Variants in KDM4C observed in about 807,000 individuals in gnomAD.
KDM4C encodes the protein lysine-specific demethylase 4C.
Under a neutral mutation model 129.3 loss-of-function variants are expected in KDM4C, and 81 were observed. The ratio of observed to expected loss-of-function variants is 0.63; its 90% CI spans 0.52 to 0.75. The LOEUF (loss-of-function observed/expected upper bound fraction) is 0.75. Ranked by LOEUF, KDM4C falls within the 30% of genes least tolerant of loss-of-function variation. The pLI, the probability that KDM4C is intolerant of heterozygous loss-of-function variation, is 0.00. For missense variants in KDM4C, 1,457 were observed against 1,304.0 expected, an observed-to-expected ratio of 1.12 and a Z score of -1.81; for synonymous variants, 573 against 456.1, an observed-to-expected ratio of 1.26 and a Z score of -3.26.
chr9:6,877,607 A>T (rs527313288), intron 5 of KDM4C, among the ~76,000 whole-genome samples: 2 of 152,322 alleles, frequency 1.3e-5, no homozygotes, highest in African/African-American at 4.8e-5. Context: ...ATAATTGATT[A>T]AAAGAATAGT....
chr9:7,021,852 A>G (rs1315348754), intron 15 of KDM4C, among the ~76,000 whole-genome samples: 1 of 152,134 alleles, frequency 6.6e-6, no homozygotes, highest in African/African-American at 2.4e-5. Context: ...GATAGGGGTC[A>G]AGTTTCATTC....
rs747814292 is a variant in KDM4C at position 6,961,698 on chromosome 9, G to T, written c.922-19227G>T. Among the ~76,000 whole-genome samples, 7 of 152,166 alleles carry T rather than the reference G, an allele frequency of 4.6e-5. No individual in the cohort carries two copies. In the East Asian group the frequency reaches 1.3e-3, roughly 29 times the overall value. On this transcript the variant is annotated intron_variant, in intron 8 of 21. Coordinates refer to ENST00000381309, the MANE Select transcript of KDM4C (RefSeq NM_015061.6). The stretch of plus-strand genomic sequence containing the variant: ...AGGTGAGTGTAATATACAAGGTAAG[G>T]GTCTGTGGCCCTGTCAAACAAAAAC...
intron 8 of KDM4C, among the ~76,000 whole-genome samples, chr9:6,897,449 G>A (rs1816649239): frequency 6.6e-6 from 1 of 152,154 alleles, no homozygotes; most frequent in Admixed American, 6.5e-5. Context: ...GCCAAATCCT[G>A]TAAGATGCTC....
At chr9:6,965,424 T>A (rs1462131770) in intron 8 of KDM4C, among the ~76,000 whole-genome samples, 1 of 152,118 alleles carries the variant, frequency 6.6e-6, no homozygotes, top group Admixed American at 6.6e-5. Context: ...GACATTTATC[T>A]CCAGAACACA....
chr9:6,810,650 T>C (rs928153205), intron 3 of KDM4C, among the ~76,000 whole-genome samples: 3 of 152,230 alleles, frequency 2.0e-5, no homozygotes, highest in African/African-American at 7.2e-5. Flanking sequence ...GGTTGGAGAA[T>C]TGCTTGAGCC....
At chr9:6,919,222 C>CTGT (rs1563812029) in intron 8 of KDM4C, among the ~76,000 whole-genome samples, 4 of 107,484 alleles carry the variant, frequency 3.7e-5, no homozygotes, top group Non-Finnish European at 8.1e-5. Context: ...TTTTCTTTTT[C>CTGT]CTTCTTTCTT....
rs147900309 is a variant in KDM4C, at chr9:6,901,983, C to T, written c.921+8751C>T. ...AGAATATCTGAGGATAAGGGACAAACATTTGCATTTCTGAAATCTTCCTGT... is the reference window on the plus strand; with the variant it reads ...AGAATATCTGAGGATAAGGGACAAATATTTGCATTTCTGAAATCTTCCTGT... On this transcript the variant is annotated intron_variant, in intron 8 of 21. Coordinates refer to ENST00000381309, the MANE Select transcript of KDM4C (RefSeq NM_015061.6). 8.5e-5 allele frequency among the ~76,000 whole-genome samples: 13 copies of T among 152,284 alleles called. No individual in the cohort carries two copies. The East Asian group carries it at 1.9e-3, about 23-fold the overall frequency.
Position 7,044,662 on chromosome 9 carries a change from G to T in KDM4C, c.2260-2200G>T, listed in dbSNP as rs996260469. On this transcript the variant is annotated intron_variant, in intron 15 of 21. Coordinates refer to ENST00000381309, the MANE Select transcript of KDM4C (RefSeq NM_015061.6). ...GAGTACAGGCTTGAGAAGAAGATATGAGTTCAGTTTTGCATGTGTGTTTGA... is the reference window on the plus strand; with the variant it reads ...GAGTACAGGCTTGAGAAGAAGATATTAGTTCAGTTTTGCATGTGTGTTTGA... Among the ~76,000 whole-genome samples, 21 of 151,922 alleles carry T rather than the reference G, an allele frequency of 1.4e-4. 1 individual carries two copies. The highest frequency in any genetic ancestry group is 2.9e-5 in the Non-Finnish European group (2 of 67,924).
chr9:7,016,230 C>T (rs1174298763), intron 15 of KDM4C, among the ~76,000 whole-genome samples: 1 of 151,946 alleles, frequency 6.6e-6, no homozygotes, highest in African/African-American at 2.4e-5. Flanking sequence ...CAGGTTCACA[C>T]CATTCTCCTG....
intron 18 of KDM4C, among the ~76,000 whole-genome samples, chr9:7,124,200 C>G (rs561453680): frequency 5.9e-5 from 9 of 152,314 alleles, no homozygotes; most frequent in Admixed American, 1.3e-4. Flanking sequence ...TGCAAATCCC[C>G]ACACATTGTC....
chr9:7,082,155 C>T (rs1834595533), intron 17 of KDM4C, among the ~76,000 whole-genome samples: 1 of 128,936 alleles, frequency 7.8e-6, no homozygotes, highest in Non-Finnish European at 1.8e-5. Context: ...TCACTACAGC[C>T]TCACATGGGG....
At chr9:6,857,919 T>A (rs1332573189) in intron 5 of KDM4C, among the ~76,000 whole-genome samples, 1 of 139,980 alleles carries the variant, frequency 7.1e-6, no homozygotes, top group Non-Finnish European at 1.5e-5. Context: ...CACATCTGGC[T>A]AAGTTTTTTT....
chr9:7,076,573 A>T, intron 17 of KDM4C: 3 of 1,508,968 alleles, frequency 2.0e-6, no homozygotes, highest in Admixed American at 2.1e-5. Context: ...TCTCCATGGG[A>T]GCAGCCAGCA....
At chr9:7,090,202 A>G (rs942201859) in intron 17 of KDM4C, among the ~76,000 whole-genome samples, 1 of 152,248 alleles carries the variant, frequency 6.6e-6, no homozygotes, top group African/African-American at 2.4e-5. Flanking sequence ...GAACTTGACA[A>G]GCAGATTCTT....
At chr9:7,053,981 G>A (rs763309117) in intron 17 of KDM4C, among the ~76,000 whole-genome samples, 4 of 152,202 alleles carry the variant, frequency 2.6e-5, no homozygotes, top group Non-Finnish European at 5.9e-5. Flanking sequence ...TTTAATGCAG[G>A]TTTTATATTA....
chr9:6,784,337 T>A lies in KDM4C; in HGVS notation c.-17-8635T>A, dbSNP rs146674434. Among the ~76,000 whole-genome samples, 38 of 152,320 alleles carry A rather than the reference T, an allele frequency of 2.5e-4. No homozygotes were observed. In the East Asian group the frequency reaches 7.0e-3, roughly 28 times the overall value. ...TAAAAATCCAGTTAGGTCTGTTATG[T>A]CCTGCCTCAGCCTCCCAAGTAGCTG... On this transcript the variant is annotated intron_variant, in intron 1 of 21. Transcript: ENST00000381309.
At position 6,984,423 on chromosome 9, in the gene KDM4C, A is replaced by G; in HGVS notation, c.1354+19A>G. On this transcript the variant is annotated intron_variant, in intron 10 of 21. Transcript: ENST00000381309. Reference sequence around the variant, plus strand: ...CTCTCAGGTGAGAAGATGGTTGATTAGGTTTCACATATAAGTAGTAGGTGG... The same window carrying G: ...CTCTCAGGTGAGAAGATGGTTGATTGGGTTTCACATATAAGTAGTAGGTGG... 2 of 1,504,778 alleles carry G rather than the reference A, an allele frequency of 1.3e-6. No homozygotes were observed. The highest frequency in any genetic ancestry group is 3.5e-4 in the Middle Eastern group (2 of 5,726). The allele number at this position is 1,504,778 out of a possible 1,614,324, so 93.2% of individuals were successfully genotyped here.
chr9:6,738,647 A>C (rs2988412), intron 1 of KDM4C, among the ~76,000 whole-genome samples: 85,435 of 151,906 alleles, frequency 0.56, 24,393 homozygotes, highest in African/African-American at 0.67. Flanking sequence ...CTCTGTCACC[A>C]AGGCTGGAGT....
intron 8 of KDM4C, among the ~76,000 whole-genome samples, chr9:6,901,074 T>C (rs917436037): frequency 6.6e-6 from 1 of 151,984 alleles, no homozygotes. Flanking sequence ...ATTCTAGACA[T>C]GGTGACTGCA....
Sources: allele counts gnomAD v4.1 joint callset (sites outside exome capture counted in the v4.1 genomes callset), GRCh38; gene constraint gnomAD v4.1.1; transcripts MANE v1.5; gene names NCBI Gene and HGNC (gene_info 2026-07-23, HGNC 2026-07-21).